The following TP73 variants were observed in gnomAD, a reference collection of about 807,000 sequenced individuals.
TP73 encodes p53-like transcription factor.
In TP73, 25 loss-of-function variants were observed where a neutral mutation model predicts 62.5. The observed-to-expected ratio is 0.40, with a 90% CI of 0.29 to 0.56. The LOEUF (loss-of-function observed/expected upper bound fraction) is 0.56. Ranked by LOEUF, TP73 falls within the 20% of genes least tolerant of loss-of-function variation. TP73 has a pLI of 0.46. For synonymous variants in TP73, 423 were observed against 377.5 expected, an observed-to-expected ratio of 1.12 and a Z score of -1.40; for missense variants, 754 against 913.3, an observed-to-expected ratio of 0.83 and a Z score of 2.25.
chr1:3,726,526 T>A (rs1486970357), intron 6 of TP73, among the ~76,000 whole-genome samples: 4 of 141,682 alleles, frequency 2.8e-5, no homozygotes, highest in African/African-American at 1.1e-4. Context: ...AATGGATGGA[T>A]GGATATTGAA....
intron 3 of TP73, among the ~76,000 whole-genome samples, chr1:3,702,693 G>A (rs1570518658): frequency 6.6e-6 from 1 of 152,236 alleles, no homozygotes; most frequent in South Asian, 2.1e-4. Context: ...AAGGCCACCC[G>A]CTGGCTCTCT....
Position 3,723,409 on chromosome 1 carries a change from G to A in TP73, c.672G>A (p.Gln224=). ...LIRVEGNNLS[Q]YVDDPVTGRQ... is the part of the protein sequence containing the mutation. ...GCGTGGAAGGCAATAATCTCTCGCA[G>A]TATGTGGATGACCCTGTCACCGGCA... Residue 224 remains glutamine (Q), a synonymous_variant, in exon 6 of 14, where the codon CAG becomes CAA. Coordinates refer to ENST00000378295, the MANE Select transcript of TP73 (RefSeq NM_005427.4). 1.2e-6 allele frequency: 2 copies of A among 1,612,650 alleles called. No homozygotes were observed. Among genetic ancestry groups the A allele is most frequent in the Non-Finnish European group, 1.7e-6 (2 of 1,179,874 alleles).
chr1:3,670,096 C>CG lies in TP73; in HGVS notation c.-33-12231dup, dbSNP rs935158993. Among the ~76,000 whole-genome samples the CG allele has an allele frequency of 2.4e-4, 36 of 151,976 alleles. No homozygotes were observed. The highest frequency in any genetic ancestry group is 4.9e-4 in the Non-Finnish European group (33 of 67,996). On this transcript the variant is annotated intron_variant, in intron 1 of 13. Coordinates refer to ENST00000378295, the MANE Select transcript of TP73 (RefSeq NM_005427.4). The surrounding 1 kb of genome is among the most constrained non-coding windows in gnomAD (Gnocchi z 5.9). Reference sequence around the variant, plus strand: ...TGGCCTCCTGGATGGGCATGTGGCTCGGGGGGCGAGACCATGGGCTCTTCC... The same window carrying CG: ...TGGCCTCCTGGATGGGCATGTGGCTCGGGGGGGCGAGACCATGGGCTCTTCC...
intron 6 of TP73, among the ~76,000 whole-genome samples, chr1:3,725,587 T>G (rs1323316828): frequency 1.6e-4 from 12 of 73,144 alleles, no homozygotes; most frequent in South Asian, 5.8e-4. Flanking sequence ...GATGGGTGGG[T>G]GGGTGAATGG....
Position 3,678,411 on chromosome 1 carries a change from GC to G in TP73, c.-33-3920del, listed in dbSNP as rs201201383. ...TTCCTCATGCCCAGTACTCCCAGAT[GC>G]CTGCGGAGCCAGTCATCAGCTCAGG... On this transcript the variant is annotated intron_variant, in intron 1 of 13. Transcript: ENST00000378295. Among the ~76,000 whole-genome samples, 256 of 152,290 alleles carry G rather than the reference GC, an allele frequency of 1.7e-3. 4 individuals carry two copies. Among genetic ancestry groups the G allele is most frequent in the Admixed American group, 0.014 (220 of 15,306 alleles).
intron 4 of TP73, chr1:3,708,293 C>T (rs1024401600): frequency 4.6e-5 from 8 of 174,966 alleles, no homozygotes; most frequent in Non-Finnish European, 9.8e-5. Flanking sequence ...AATTGGCATG[C>T]ACCAAGGAGA....
chr1:3,682,509 T>C, intron 2 of TP73, 79 bp downstream of exon 2: 1 of 1,321,708 alleles, frequency 7.6e-7, no homozygotes, highest in Non-Finnish European at 1.0e-6. Flanking sequence ...TTCGCTGGGC[T>C]AACTGGGCCA....
intron 1 of TP73, among the ~76,000 whole-genome samples, chr1:3,669,473 A>G (rs1261710910): frequency 6.6e-6 from 1 of 152,116 alleles, no homozygotes; most frequent in African/African-American, 2.4e-5. Context: ...CACCCCTTGG[A>G]CCCACCAGGA....
Position 3,699,193 on chromosome 1 carries a change from G to C in TP73, c.187-8356G>C, listed in dbSNP as rs920203128. Among the ~76,000 whole-genome samples, 1 of 152,164 alleles carries C rather than the reference G, an allele frequency of 6.6e-6. No individual in the cohort carries two copies. Among genetic ancestry groups the C allele is most frequent in the African/African-American group, 2.4e-5 (1 of 41,442 alleles). On this transcript the variant is annotated intron_variant, in intron 3 of 13. Coordinates refer to ENST00000378295, the MANE Select transcript of TP73 (RefSeq NM_005427.4). This position sits in a 1 kb window ranked among gnomAD's most constrained non-coding sequence, Gnocchi z 4.1. ...TGGCATTTCCATTCGTTTAATCACG[G>C]GCTCCGGGAGATGCTGTGGGAAGTA...
chr1:3,684,654 G>GGGCT (rs941127121), intron 3 of TP73, among the ~76,000 whole-genome samples: 6 of 152,116 alleles, frequency 3.9e-5, no homozygotes, highest in African/African-American at 1.4e-4. Flanking sequence ...GAGCCATGTG[G>GGGCT]GGCCAGAGAA....
intron 1 of TP73, among the ~76,000 whole-genome samples, chr1:3,653,349 C>T (rs1263332816): frequency 1.3e-5 from 2 of 152,184 alleles, no homozygotes; most frequent in Non-Finnish European, 2.9e-5. Context: ...CCCTTAGCTC[C>T]TGGGCCGCCT....
chr1:3,658,277 G>A (rs1299763551), intron 1 of TP73, among the ~76,000 whole-genome samples: 1 of 152,214 alleles, frequency 6.6e-6, no homozygotes, highest in African/African-American at 2.4e-5. Context: ...AGAGGGGAAG[G>A]GAAAGTTGCC....
At chr1:3,711,867 T>TGTGTGTGTGTGTGC (rs1491505004) in intron 4 of TP73, among the ~76,000 whole-genome samples, 22 of 147,906 alleles carry the variant, frequency 1.5e-4, no homozygotes, top group Admixed American at 1.1e-3. Flanking sequence ...TGTGTGTGTG[T>TGTGTGTGTGTGTGC]GCGCGAGCAT....
chr1:3,731,563 C>G lies in TP73; in HGVS notation c.1578+7C>G, dbSNP rs1372209395. ...GCAGAACCTGACCATTGAGGTAACG[C>G]CCGGGTGGACCCCGCTCTGCAGAGG... is the stretch of plus-strand genomic sequence containing the variant. On this transcript the variant is annotated splice_region_variant and intron_variant, in intron 13 of 13. Transcript: ENST00000378295. The G allele has an allele frequency of 1.9e-6, 3 of 1,613,140 alleles. No homozygotes were observed. The highest frequency in any genetic ancestry group is 4.5e-5 in the East Asian group (2 of 44,880).
At chr1:3,727,521 G>A (rs10910017) in intron 7 of TP73, 107 bp from the exon 8 acceptor site, 540,278 of 1,467,250 alleles carry the variant, frequency 0.37, 105,151 homozygotes, top group Non-Finnish European at 0.41. Context: ...TGTGGTGACC[G>A]AGGGCTCTCA....
chr1:3,711,915 C>T (rs529468974), intron 4 of TP73, among the ~76,000 whole-genome samples: 9 of 152,032 alleles, frequency 5.9e-5, no homozygotes, highest in South Asian at 2.1e-4. Context: ...GCTGGCTCCA[C>T]GGGTAGGAAA....
chr1:3,673,670 G>A (rs755646960), intron 1 of TP73, among the ~76,000 whole-genome samples: 1 of 152,194 alleles, frequency 6.6e-6, no homozygotes, highest in South Asian at 2.1e-4. Flanking sequence ...TTCAGGGCAC[G>A]AAGCGGTGGG....
intron 1 of TP73, among the ~76,000 whole-genome samples, chr1:3,656,754 C>T (rs757247201): frequency 6.6e-6 from 1 of 152,192 alleles, no homozygotes; most frequent in African/African-American, 2.4e-5. Flanking sequence ...CCGGAAGGGC[C>T]CTTCCAGAAC....
intron 11 of TP73, among the ~76,000 whole-genome samples, 192 bp from the exon 12 acceptor site, chr1:3,730,735 C>T (rs1334798218): frequency 1.3e-5 from 2 of 152,322 alleles, no homozygotes; most frequent in Middle Eastern, 3.4e-3. Context: ...CCCTACTAGG[C>T]GGGGCGAGGA....
Sources: allele counts gnomAD v4.1 joint callset (sites outside exome capture counted in the v4.1 genomes callset), GRCh38; gene constraint gnomAD v4.1.1; non-coding constraint Gnocchi (gnomAD v3.1); transcripts MANE v1.5; gene names NCBI Gene and HGNC (gene_info 2026-07-23, HGNC 2026-07-21).